NAV3: variants seen among roughly 807,000 people sequenced by gnomAD.
NAV3 encodes neuron navigator 3, also known as pore membrane and/or filament interacting like protein 1.
In NAV3, 87 loss-of-function variants were observed where a neutral mutation model predicts 244.7. That is an observed-to-expected ratio of 0.36 (90% confidence interval 0.30 to 0.42). The LOEUF is 0.42. Ranked by LOEUF, NAV3 falls within the 20% of genes least tolerant of loss-of-function variation. The probability of loss-of-function intolerance (pLI) is 1.00; values close to 1 mark genes in which losing one functional copy is unlikely to be tolerated. For synonymous variants in NAV3, 1,126 were observed against 1,042.2 expected, an observed-to-expected ratio of 1.08 and a Z score of -1.55; for missense variants, 2,663 against 2,893.3, an observed-to-expected ratio of 0.92 and a Z score of 1.83.
intron 1 of NAV3, among the ~76,000 whole-genome samples, chr12:77,861,153 A>T (rs1033582880): frequency 4.0e-5 from 6 of 151,866 alleles, no homozygotes; most frequent in African/African-American, 1.2e-4. Context: ...TTGCAAAATC[A>T]TATAGCTCTG....
At chr12:78,033,345 A>AACCC (rs1879308534) in intron 9 of NAV3, among the ~76,000 whole-genome samples, 2 of 152,196 alleles carry the variant, frequency 1.3e-5, no homozygotes, top group African/African-American at 4.8e-5. Context: ...TTTACTAAAG[A>AACCC]GCTGAAAAGC....
At chr12:77,686,457 G>A (rs1316661184) in intron 2 of NAV3, among the ~76,000 whole-genome samples, 2 of 143,348 alleles carry the variant, frequency 1.4e-5, no homozygotes, top group East Asian at 2.0e-4. Flanking sequence ...TAAAAACAGA[G>A]GCTTTGTTCT....
chr12:77,798,098 G>A (rs1203754752), intron 2 of NAV3, among the ~76,000 whole-genome samples: 1 of 151,712 alleles, frequency 6.6e-6, no homozygotes, highest in Non-Finnish European at 1.5e-5. Flanking sequence ...GGATGTGGAG[G>A]TTGTAGCTCA....
intron 12 of NAV3, among the ~76,000 whole-genome samples, chr12:78,105,822 T>C (rs1171230777): frequency 6.6e-6 from 1 of 151,776 alleles, no homozygotes; most frequent in Admixed American, 6.6e-5. Context: ...TTTGATGAAA[T>C]AGTTCTCTTC....
At chr12:77,978,303 G>A (rs1245083915) in intron 5 of NAV3, among the ~76,000 whole-genome samples, 2 of 152,048 alleles carry the variant, frequency 1.3e-5, no homozygotes, top group Non-Finnish European at 2.9e-5. Context: ...TAATACAGCT[G>A]TGACTCATGA....
At chr12:78,197,435 T>C (rs751750979) in intron 35 of NAV3, 34 bp downstream of exon 35, 2 of 1,483,358 alleles carry the variant, frequency 1.3e-6, no homozygotes, top group Non-Finnish European at 1.8e-6. Context: ...TAATGAAATA[T>C]GAAATAATTA....
intron 12 of NAV3, among the ~76,000 whole-genome samples, chr12:78,078,332 A>G (rs300474): frequency 0.38 from 56,290 of 147,520 alleles, 10,621 homozygotes; most frequent in African/African-American, 0.43. Flanking sequence ...ATTTCTATGA[A>G]CCCAAGTAAC....
At chr12:77,845,759 TTC>T (rs1472279493) in intron 1 of NAV3, among the ~76,000 whole-genome samples, 1 of 151,774 alleles carries the variant, frequency 6.6e-6, no homozygotes, top group Non-Finnish European at 1.5e-5. Flanking sequence ...GTTCAAGTGA[TTC>T]TCCTGCCTCA....
chr12:77,810,732 C>T (rs149853443), intron 2 of NAV3, among the ~76,000 whole-genome samples: 10 of 151,994 alleles, frequency 6.6e-5, no homozygotes, highest in African/African-American at 1.9e-4. Flanking sequence ...CCTTATTAAG[C>T]CTCTTCATTC....
rs902534813 is a variant in NAV3 at position 78,199,336 on chromosome 12, T to C, written c.6520T>C (p.Trp2174Arg). 1 of 1,584,996 alleles carries C rather than the reference T, an allele frequency of 6.3e-7. No homozygotes were observed. ...PNLELHHNFR[W>R]VLCANHTEPV... ...GTCTGATTTTTTTTCTTTTTGTAGGTGGGTATTATGTGCAAATCATACAGA... is the reference window on the plus strand; with the variant it reads ...GTCTGATTTTTTTTCTTTTTGTAGGCGGGTATTATGTGCAAATCATACAGA... The change falls in exon 37 of 40, where the codon TGG (tryptophan) becomes CGG (arginine). Residue 2174 changes from tryptophan to arginine, a missense_variant and splice_region_variant. Physicochemically the swap from Trp to Arg is moderately radical, Grantham distance 101. Coordinates refer to ENST00000397909, the MANE Select transcript of NAV3 (RefSeq NM_001024383.2).
chr12:77,906,791 G>A (rs968714048), intron 1 of NAV3, among the ~76,000 whole-genome samples: 1 of 152,080 alleles, frequency 6.6e-6, no homozygotes, highest in South Asian at 2.1e-4. Flanking sequence ...CTGGCACATA[G>A]TAAATCTGTA....
At chr12:78,176,247 G>A (rs1294663601) in intron 25 of NAV3, among the ~76,000 whole-genome samples, 192 bp from the exon 26 acceptor site, 4 of 151,768 alleles carry the variant, frequency 2.6e-5, no homozygotes, top group Non-Finnish European at 4.4e-5. Flanking sequence ...AAAAAATGTA[G>A]ATTTTGAGTA....
At chr12:77,962,906 T>C (rs1337810010) in intron 3 of NAV3, among the ~76,000 whole-genome samples, 2 of 152,200 alleles carry the variant, frequency 1.3e-5, no homozygotes, top group Non-Finnish European at 2.9e-5. Flanking sequence ...ATTCAATTTA[T>C]TTCTTGCTGT....
At chr12:78,159,783 G>A (rs938558082) in intron 23 of NAV3, among the ~76,000 whole-genome samples, 1 of 151,970 alleles carries the variant, frequency 6.6e-6, no homozygotes, top group African/African-American at 2.4e-5. Context: ...ACACACAAAG[G>A]CAAACAAAAT....
chr12:77,727,682 A>G (rs1219892761), intron 2 of NAV3, among the ~76,000 whole-genome samples: 1 of 151,920 alleles, frequency 6.6e-6, no homozygotes, highest in African/African-American at 2.4e-5. Context: ...TGTTCTAAAA[A>G]TTTTACACTT....
chr12:77,927,935 T>C (rs1888375940), intron 1 of NAV3, among the ~76,000 whole-genome samples: 1 of 151,914 alleles, frequency 6.6e-6, no homozygotes, highest in Admixed American at 6.6e-5. Flanking sequence ...AGAAGGAAAA[T>C]GCTGGAAGTG....
intron 19 of NAV3, among the ~76,000 whole-genome samples, chr12:78,139,034 C>A (rs1956493620): frequency 1.3e-5 from 2 of 152,082 alleles, no homozygotes; most frequent in South Asian, 4.1e-4. Flanking sequence ...AATTGTCCAC[C>A]TTTCCTATGG....
At chr12:78,183,331 A>T (rs1324325830) in intron 30 of NAV3, among the ~76,000 whole-genome samples, 1 of 151,988 alleles carries the variant, frequency 6.6e-6, no homozygotes, top group Non-Finnish European at 1.5e-5. Context: ...GAGTTAGAAT[A>T]AACACAAATA....
chr12:78,148,554 T>C (rs993195404), intron 21 of NAV3, among the ~76,000 whole-genome samples: 1 of 152,106 alleles, frequency 6.6e-6, no homozygotes, highest in Non-Finnish European at 1.5e-5. Flanking sequence ...GAAGAATCAA[T>C]ACAGAGGGTA....
Sources: allele counts gnomAD v4.1 joint callset (sites outside exome capture counted in the v4.1 genomes callset), GRCh38; gene constraint gnomAD v4.1.1; transcripts MANE v1.5; gene names NCBI Gene and HGNC (gene_info 2026-07-23, HGNC 2026-07-21).